The following ZMAT4 variants were observed in gnomAD, a reference collection of about 807,000 sequenced individuals.
ZMAT4 encodes zinc finger matrin-type protein 4.
In ZMAT4, 17 loss-of-function variants were observed where a neutral mutation model predicts 28.7. The ratio of observed to expected loss-of-function variants is 0.59; its 90% CI spans 0.41 to 0.89. The LOEUF (loss-of-function observed/expected upper bound fraction) is 0.89, where lower values mean the gene tolerates loss of function less well. Among genes scored for constraint, ZMAT4 ranks in the 40% least tolerant of loss-of-function variants. ZMAT4 has a pLI of 0.00. For synonymous variants in ZMAT4, 117 were observed against 109.2 expected (o/e 1.07, Z -0.44); for missense variants, 240 against 283.8 (o/e 0.85, Z 1.11).
chr8:40,551,426 C>T (rs1240067983), intron 6 of ZMAT4, among the ~76,000 whole-genome samples: 1 of 152,160 alleles, frequency 6.6e-6, no homozygotes, highest in Non-Finnish European at 1.5e-5. Flanking sequence ...AATATATCAT[C>T]ATCAATCAAG....
chr8:40,820,158 ATG>A (rs138729547), intron 2 of ZMAT4, among the ~76,000 whole-genome samples: 34,339 of 146,768 alleles, frequency 0.23, 4,481 homozygotes, highest in East Asian at 0.66. Context: ...ATATGCGAAT[ATG>A]TGTGTGTGTG....
intron 4 of ZMAT4, among the ~76,000 whole-genome samples, chr8:40,693,409 C>T (rs1016321292): frequency 1.3e-5 from 2 of 152,220 alleles, no homozygotes; most frequent in Non-Finnish European, 2.9e-5. Context: ...AGCCTGCTCT[C>T]AGTCACATCC....
At chr8:40,870,009 C>A (rs1453205102) in intron 1 of ZMAT4, among the ~76,000 whole-genome samples, 1 of 152,136 alleles carries the variant, frequency 6.6e-6, no homozygotes, top group Non-Finnish European at 1.5e-5. Flanking sequence ...GAATATGCCA[C>A]CCCAAAATAC....
chr8:40,843,982 G>A (rs114195331), intron 1 of ZMAT4, among the ~76,000 whole-genome samples: 297 of 152,186 alleles, frequency 2.0e-3, no homozygotes, highest in African/African-American at 6.3e-3. Flanking sequence ...CCTAGAAAAC[G>A]GAGACTCACA....
At chr8:40,669,235 C>A (rs1008692298) in intron 5 of ZMAT4, among the ~76,000 whole-genome samples, 1 of 152,042 alleles carries the variant, frequency 6.6e-6, no homozygotes, top group Non-Finnish European at 1.5e-5. Flanking sequence ...GAAAACAAGT[C>A]GATGTTAGAC....
rs145252874 is a variant in ZMAT4 at position 40,800,700 on chromosome 8, CAAATG to C, written c.102+24870_102+24874del. The stretch of plus-strand genomic sequence containing the variant: ...AGAAACACTTTAAGATATTTTGAAC[CAAATG>C]AGAATAAAAACACAACTTAAAATTT... On this transcript the variant is annotated intron_variant, in intron 2 of 6. Transcript: ENST00000297737. 9.4e-3 allele frequency among the ~76,000 whole-genome samples: 1,435 copies of C among 151,870 alleles called. 24 individuals are homozygous for C. The highest frequency in any genetic ancestry group is 0.033 in the African/African-American group (1,385 of 41,428).
At chr8:40,780,156 C>T (rs1041695532) in intron 2 of ZMAT4, among the ~76,000 whole-genome samples, 1 of 152,146 alleles carries the variant, frequency 6.6e-6, no homozygotes, top group Non-Finnish European at 1.5e-5. Context: ...CATAAGCCTG[C>T]GGTAAACTGA....
chr8:40,697,413 G>T lies in ZMAT4; in HGVS notation c.193-12C>A. ...TCGGCATCACTTCCCTGCGCAGGGA[G>T]AAAGAAAGGCCACGTGTGAGAGAAA... is the stretch of plus-strand genomic sequence containing the variant. On this transcript the variant is annotated splice_polypyrimidine_tract_variant and intron_variant, in intron 3 of 6. Transcript: ENST00000297737. The T allele has an allele frequency of 1.3e-6, 2 of 1,553,504 alleles. No individual in the cohort carries two copies. The highest frequency in any genetic ancestry group is 4.7e-5 in the East Asian group (2 of 42,948).
At chr8:40,703,272 A>T (rs1353503771) in intron 3 of ZMAT4, among the ~76,000 whole-genome samples, 1 of 152,176 alleles carries the variant, frequency 6.6e-6, no homozygotes, top group Admixed American at 6.5e-5. Flanking sequence ...AAATTTTTAC[A>T]TGAGTTTTTA....
intron 2 of ZMAT4, among the ~76,000 whole-genome samples, chr8:40,815,167 C>T (rs113070178): frequency 0.14 from 21,643 of 152,000 alleles, 1,946 homozygotes; most frequent in Non-Finnish European, 0.2. Context: ...CCCAGCTACT[C>T]GAGTGGCTGA....
intron 6 of ZMAT4, among the ~76,000 whole-genome samples, chr8:40,579,009 C>T (rs1029275847): frequency 6.6e-6 from 1 of 152,172 alleles, no homozygotes; most frequent in African/African-American, 2.4e-5. Context: ...GTGGGCAAGT[C>T]ACTTTACCTC....
chr8:40,768,628 ATG>A (rs1279177196), intron 2 of ZMAT4, among the ~76,000 whole-genome samples: 2 of 152,210 alleles, frequency 1.3e-5, no homozygotes, highest in Non-Finnish European at 2.9e-5. Flanking sequence ...TCTTATTGGA[ATG>A]TGTTTATATC....
chr8:40,880,198 T>C (rs1818172711), intron 1 of ZMAT4, among the ~76,000 whole-genome samples: 1 of 152,144 alleles, frequency 6.6e-6, no homozygotes, highest in African/African-American at 2.4e-5. Flanking sequence ...TGAAACCCCA[T>C]TTCTACTAAA....
intron 1 of ZMAT4, among the ~76,000 whole-genome samples, chr8:40,879,558 G>A (rs1259492638): frequency 1.3e-5 from 2 of 152,306 alleles, no homozygotes; most frequent in South Asian, 2.1e-4. Flanking sequence ...TGCCAGGACG[G>A]ATCCATAGTA....
At chr8:40,567,732 C>T (rs1042694391) in intron 6 of ZMAT4, among the ~76,000 whole-genome samples, 1 of 148,468 alleles carries the variant, frequency 6.7e-6, no homozygotes, top group African/African-American at 2.5e-5. Context: ...CAAAAAAAAA[C>T]CCCAAAACTC....
At chr8:40,629,652 C>G (rs538728698) in intron 5 of ZMAT4, among the ~76,000 whole-genome samples, 1 of 149,796 alleles carries the variant, frequency 6.7e-6, no homozygotes, top group East Asian at 2.0e-4. Flanking sequence ...TGAGAACATG[C>G]GGTGTTTGGT....
intron 3 of ZMAT4, among the ~76,000 whole-genome samples, chr8:40,752,660 T>A (rs1585993921): frequency 6.6e-6 from 1 of 152,314 alleles, no homozygotes; most frequent in Non-Finnish European, 1.5e-5. Flanking sequence ...CTTACACTAA[T>A]TATCCCATTC....
chr8:40,892,848 G>C (rs966629427), intron 1 of ZMAT4, among the ~76,000 whole-genome samples: 1 of 152,138 alleles, frequency 6.6e-6, no homozygotes, highest in Admixed American at 6.5e-5. Flanking sequence ...AATAGGTAAG[G>C]GTTCTCATCA....
intron 5 of ZMAT4, among the ~76,000 whole-genome samples, chr8:40,599,563 TAAA>T (rs973969765): frequency 6.6e-6 from 1 of 152,150 alleles, no homozygotes; most frequent in Non-Finnish European, 1.5e-5. Context: ...CTCCCCTTGG[TAAA>T]AATAGAGGAA....
Sources: gnomAD v4.1 joint callset for allele counts (sites outside exome capture counted in the v4.1 genomes callset) on GRCh38, gnomAD v4.1.1 for gene constraint, MANE v1.5 for transcripts, NCBI Gene and HGNC (gene_info 2026-07-23, HGNC 2026-07-21) for gene names.